PRIM2: variants seen among roughly 807,000 people sequenced by gnomAD.
PRIM2 encodes the protein DNA primase large subunit.
A neutral mutation model predicts 67.3 loss-of-function variants in PRIM2; 39 were observed. The observed-to-expected ratio is 0.58, with a 90% CI of 0.45 to 0.76. The LOEUF (loss-of-function observed/expected upper bound fraction) is 0.76. Among genes scored for constraint, PRIM2 ranks in the 30% least tolerant of loss-of-function variants. The pLI, the probability that PRIM2 is intolerant of heterozygous loss-of-function variation, is 0.00. For missense variants in PRIM2, 398 were observed against 598.7 expected, an observed-to-expected ratio of 0.66 and a Z score of 3.50; for synonymous variants, 143 against 198.7, an observed-to-expected ratio of 0.72 and a Z score of 2.36.
chr6:57,375,493 A>C (rs572077554), intron 5 of PRIM2, among the ~76,000 whole-genome samples: 2 of 152,272 alleles, frequency 1.3e-5, no homozygotes, highest in East Asian at 1.9e-4. Context: ...GGATTTTTGC[A>C]TCAGTGTTCA....
chr6:57,598,889 A>G (rs1193891936), intron 10 of PRIM2, among the ~76,000 whole-genome samples: 1 of 112,706 alleles, frequency 8.9e-6, no homozygotes, highest in Non-Finnish European at 1.8e-5. Flanking sequence ...CTGGGAACCT[A>G]CTGCTTGCAA....
chr6:57,239,663 T>G, the PRIM2 span, among the ~76,000 whole-genome samples: 1 of 152,152 alleles, frequency 6.6e-6, no homozygotes, highest in Non-Finnish European at 1.5e-5. Context: ...GAGGATCACC[T>G]GAGCCTGGGG....
At chr6:57,318,851 G>A (rs186097168) in intron 2 of PRIM2, among the ~76,000 whole-genome samples, 6 of 152,250 alleles carry the variant, frequency 3.9e-5, no homozygotes, top group Admixed American at 3.9e-4. Context: ...ATTTTGAGAT[G>A]AATAATGTTA....
chr6:57,607,180 T>A (rs1776579465), intron 12 of PRIM2, among the ~76,000 whole-genome samples: 3 of 152,240 alleles, frequency 2.0e-5, no homozygotes, highest in Non-Finnish European at 4.4e-5. Context: ...TCATCATACA[T>A]CTTTAAATTG....
At chr6:57,457,369 A>G (rs1581925439) in intron 7 of PRIM2, among the ~76,000 whole-genome samples, 2 of 152,214 alleles carry the variant, frequency 1.3e-5, no homozygotes, top group Non-Finnish European at 1.5e-5. Flanking sequence ...TTGTTTGGCA[A>G]TGCCCTGCCT....
intron 10 of PRIM2, among the ~76,000 whole-genome samples, chr6:57,552,911 G>A (rs1471838558): frequency 7.2e-5 from 11 of 151,966 alleles, no homozygotes; most frequent in African/African-American, 2.7e-4. Context: ...ACAACACTGT[G>A]ATGAACATTC....
At chr6:57,332,779 G>A (rs1768095476) in intron 5 of PRIM2, among the ~76,000 whole-genome samples, 1 of 151,754 alleles carries the variant, frequency 6.6e-6, no homozygotes, top group Admixed American at 6.6e-5. Context: ...TGTGTTTGTT[G>A]TAAATATCAT....
chr6:57,330,908 C>T (rs1378455585), intron 5 of PRIM2, among the ~76,000 whole-genome samples: 5 of 151,902 alleles, frequency 3.3e-5, no homozygotes, highest in African/African-American at 9.7e-5. Context: ...TTGGGCCGGG[C>T]GCGGTGGCTC....
intron 5 of PRIM2, among the ~76,000 whole-genome samples, chr6:57,339,183 C>T (rs1301307010): frequency 6.6e-6 from 1 of 152,050 alleles, no homozygotes; most frequent in Non-Finnish European, 1.5e-5. Context: ...GAACTACAAA[C>T]CACTGCTCAA....
intron 12 of PRIM2, among the ~76,000 whole-genome samples, chr6:57,612,929 A>G (rs1327271795): frequency 5.1e-4 from 78 of 151,570 alleles, no homozygotes; most frequent in Non-Finnish European, 8.7e-4. Context: ...TAAGTAGCTG[A>G]GGTTACAGCT....
chr6:57,593,459 C>T (rs1473220911), intron 10 of PRIM2, among the ~76,000 whole-genome samples: 1 of 152,086 alleles, frequency 6.6e-6, no homozygotes, highest in African/African-American at 2.4e-5. Flanking sequence ...TGCACCACCA[C>T]ACCCAGCTAA....
At chr6:57,437,662 C>CT (rs11315818) in intron 7 of PRIM2, among the ~76,000 whole-genome samples, 3,045 of 128,312 alleles carry the variant, frequency 0.024, 57 homozygotes, top group Non-Finnish European at 0.033. Context: ...GGAAGGATTC[C>CT]TTTTTTTTTT....
chr6:57,271,717 G>A, the PRIM2 span, among the ~76,000 whole-genome samples: 1 of 152,136 alleles, frequency 6.6e-6, no homozygotes, highest in Admixed American at 6.6e-5. Flanking sequence ...TAATTGTGAT[G>A]TTAGGGTGTC....
chr6:57,515,595 T>C (rs1554348156), intron 8 of PRIM2, among the ~76,000 whole-genome samples: 1 of 152,188 alleles, frequency 6.6e-6, no homozygotes, highest in Admixed American at 6.5e-5. Context: ...AGAGCCTTTA[T>C]ACCCATTTTT....
chr6:57,435,912 C>G (rs1212708453), intron 7 of PRIM2, among the ~76,000 whole-genome samples: 1 of 152,158 alleles, frequency 6.6e-6, no homozygotes, highest in Non-Finnish European at 1.5e-5. Context: ...AGTGTAGTCA[C>G]TGATCATTTT....
At chr6:57,508,621 C>A (rs2127460030) in intron 8 of PRIM2, among the ~76,000 whole-genome samples, 1 of 152,240 alleles carries the variant, frequency 6.6e-6, no homozygotes, top group South Asian at 2.1e-4. Context: ...AAATCTTATT[C>A]TACCTATACA....
At chr6:57,537,385 G>A (rs1775023123) in intron 9 of PRIM2, 55 bp from the exon 10 acceptor site, 1 of 866,088 alleles carries the variant, frequency 1.2e-6, no homozygotes, top group Admixed American at 2.7e-5. Context: ...AAATATTACA[G>A]GGGACCTGAT....
intron 10 of PRIM2, among the ~76,000 whole-genome samples, chr6:57,590,349 A>T (rs1241657814): frequency 1.3e-5 from 2 of 152,356 alleles, no homozygotes; most frequent in Admixed American, 1.3e-4. Flanking sequence ...AGTAGTTAAA[A>T]TGGTAAAAAC....
intron 13 of PRIM2, among the ~76,000 whole-genome samples, chr6:57,636,610 A>G (rs1777126808): frequency 6.6e-6 from 1 of 152,234 alleles, no homozygotes; most frequent in African/African-American, 2.4e-5. Flanking sequence ...GAGCATCACA[A>G]AATGAGTTAA....
Sources: allele counts gnomAD v4.1 joint callset (sites outside exome capture counted in the v4.1 genomes callset), GRCh38; gene constraint gnomAD v4.1.1; transcripts MANE v1.5; gene names NCBI Gene and HGNC (gene_info 2026-07-23, HGNC 2026-07-21).